STK3: variants seen among roughly 807,000 people sequenced by gnomAD.
The protein encoded by STK3 is serine/threonine-protein kinase 3.
A neutral mutation model predicts 58.0 loss-of-function variants in STK3; 41 were observed. The observed-to-expected ratio is 0.71, with a 90% CI of 0.55 to 0.92. The LOEUF (loss-of-function observed/expected upper bound fraction) is 0.92. Ranked by LOEUF, STK3 falls within the 40% of genes least tolerant of loss-of-function variation. STK3 has a pLI of 0.00. For synonymous variants in STK3, 170 were observed against 191.0 expected, an observed-to-expected ratio of 0.89 and a Z score of 0.91; for missense variants, 479 against 602.7, an observed-to-expected ratio of 0.79 and a Z score of 2.15.
In STK3 at chr8:98,536,732, T is replaced by G. The variant is rs139100318; in HGVS notation, c.1142-9815A>C. Among the ~76,000 whole-genome samples the G allele has an allele frequency of 2.7e-3, 415 of 152,344 alleles. 2 individuals are homozygous for G. Among genetic ancestry groups the G allele is most frequent in the Non-Finnish European group, 2.1e-3 (144 of 68,028 alleles). On this transcript the variant is annotated intron_variant, in intron 9 of 10. Transcript: ENST00000419617. ...ATGAGAAAAGAAATTAATCTTATTT[T>G]GTTTAAATCACTGTTATTTGGGTTT...
At chr8:98,412,947 C>G in intron 3 of STK3, 1 of 272,966 alleles carries the variant, frequency 3.7e-6, no homozygotes, top group South Asian at 3.8e-5. Flanking sequence ...CACCATCAGG[C>G]ACTGGAGCAT....
At chr8:98,554,487 C>G (rs1290625628) in intron 8 of STK3, among the ~76,000 whole-genome samples, 1 of 152,074 alleles carries the variant, frequency 6.6e-6, no homozygotes, top group African/African-American at 2.4e-5. Context: ...AAAGCCTGAA[C>G]CTCTGGATTC....
intron 3 of STK3, chr8:98,413,549 T>A: frequency 3.1e-6 from 2 of 655,082 alleles, no homozygotes; most frequent in Admixed American, 1.8e-5. Flanking sequence ...TGACATCATC[T>A]AGGTCAGAGA....
At chr8:98,787,159 C>T (rs1339692819) in intron 1 of STK3, among the ~76,000 whole-genome samples, 1 of 89,546 alleles carries the variant, frequency 1.1e-5, no homozygotes. Context: ...CAGAGCGAGA[C>T]TCCACCTCAA....
downstream of STK3, among the ~76,000 whole-genome samples, chr8:98,398,946 C>T (rs1817920244): frequency 1.3e-5 from 2 of 152,200 alleles, no homozygotes. Flanking sequence ...TGAAAGGAAA[C>T]TGTGAAATCT....
intron 3 of STK3, among the ~76,000 whole-genome samples, chr8:98,760,473 A>G (rs914527371): frequency 1.3e-5 from 2 of 152,148 alleles, no homozygotes; most frequent in African/African-American, 4.8e-5. Context: ...GTAAGCAGCT[A>G]TGTCTTTGAA....
intron 6 of STK3, among the ~76,000 whole-genome samples, chr8:98,695,340 C>A (rs1260748944): frequency 6.6e-6 from 1 of 152,092 alleles, no homozygotes; most frequent in Non-Finnish European, 1.5e-5. Context: ...TGCAGAAGCT[C>A]TTTAGTTTAA....
At chr8:98,350,098 T>G in the STK3 span, among the ~76,000 whole-genome samples, 1 of 152,200 alleles carries the variant, frequency 6.6e-6, no homozygotes, top group African/African-American at 2.4e-5. Context: ...TGTGCTTCTC[T>G]TATAAAACTG....
chr8:98,484,403 T>A (rs1397643824), intron 10 of STK3, among the ~76,000 whole-genome samples: 1 of 152,102 alleles, frequency 6.6e-6, no homozygotes, highest in African/African-American at 2.4e-5. Flanking sequence ...AATACCAATA[T>A]AAAAATGTAC....
chr8:98,471,914 T>C (rs1820951690), intron 10 of STK3, among the ~76,000 whole-genome samples: 1 of 152,192 alleles, frequency 6.6e-6, no homozygotes, highest in African/African-American at 2.4e-5. Flanking sequence ...GGTGAGTACT[T>C]AGCTATTTAA....
intron 3 of STK3, among the ~76,000 whole-genome samples, chr8:98,418,059 A>G (rs186663144): frequency 6.6e-6 from 1 of 152,214 alleles, no homozygotes; most frequent in East Asian, 1.9e-4. Context: ...AAAGGTGTGT[A>G]CCACCATCCC....
At chr8:98,913,805 A>G (rs201133232) in intron 1 of STK3, among the ~76,000 whole-genome samples, 2 of 152,368 alleles carry the variant, frequency 1.3e-5, no homozygotes, top group East Asian at 3.9e-4. Context: ...GAGTTCTCCA[A>G]GGCAATTGCC....
In STK3 at chr8:98,923,846, TGTGTGTGTGCGCGCGCGCGCGC is replaced by T. The variant is rs1416549290; in HGVS notation, c.-79+18510_-79+18531del. Reference sequence around the variant, plus strand: ...GCAAAAACGTGTGTGTGTGTGTGTGTGTGTGTGTGCGCGCGCGCGCGCGCGCGCGCGTTGACAATGATGGGAG... The same window carrying T: ...GCAAAAACGTGTGTGTGTGTGTGTGTGCGCGCGCGTTGACAATGATGGGAG... On this transcript the variant is annotated intron_variant, in intron 1 of 1. Coordinates refer to the STK3 transcript ENST00000519420. Among the ~76,000 whole-genome samples the T allele has an allele frequency of 1.3e-3, 151 of 120,600 alleles. 1 individual carries two copies. Among genetic ancestry groups the T allele is most frequent in the Non-Finnish European group, 4.9e-4 (29 of 59,018 alleles). The allele number at this position is 120,600 out of a possible 152,430, so 79.1% of individuals were successfully genotyped here.
chr8:98,372,425 C>T (rs1320876085), intron 2 of STK3, among the ~76,000 whole-genome samples: 1 of 152,226 alleles, frequency 6.6e-6, no homozygotes, highest in Non-Finnish European at 1.5e-5. Context: ...TCCCCGGCCC[C>T]TCCACCCACT....
At chr8:98,677,596 C>A (rs1823321961) in intron 6 of STK3, among the ~76,000 whole-genome samples, 1 of 152,032 alleles carries the variant, frequency 6.6e-6, no homozygotes, top group Non-Finnish European at 1.5e-5. Context: ...GAGATGGAGA[C>A]AGAGAAGAGG....
At chr8:98,442,481 G>A (rs1299595397) in intron 1 of STK3, among the ~76,000 whole-genome samples, 1 of 152,222 alleles carries the variant, frequency 6.6e-6, no homozygotes, top group African/African-American at 2.4e-5. Context: ...ACCAAGGTGC[G>A]TTATTTCAGG....
the STK3 span, among the ~76,000 whole-genome samples, chr8:98,360,828 C>T: frequency 6.6e-6 from 1 of 152,160 alleles, no homozygotes; most frequent in African/African-American, 2.4e-5. Context: ...TGTTAACAGG[C>T]CAGTTGGGCT....
chr8:98,382,919 C>G (rs896103107), intron 1 of STK3, among the ~76,000 whole-genome samples: 1 of 152,134 alleles, frequency 6.6e-6, no homozygotes, highest in African/African-American at 2.4e-5. Flanking sequence ...CCAGGCAGGC[C>G]GCAGCTGGGC....
At chr8:98,741,963 A>C (rs1337033571) in intron 4 of STK3, among the ~76,000 whole-genome samples, 1 of 152,200 alleles carries the variant, frequency 6.6e-6, no homozygotes, top group Non-Finnish European at 1.5e-5. Context: ...CTCTACGCAA[A>C]TAAACTAGAA....
Sources: gnomAD v4.1 joint callset for allele counts (sites outside exome capture counted in the v4.1 genomes callset) on GRCh38, gnomAD v4.1.1 for gene constraint, MANE v1.5 for transcripts, NCBI Gene and HGNC (gene_info 2026-07-23, HGNC 2026-07-21) for gene names.